The following ATRN variants were observed in gnomAD, a reference collection of about 807,000 sequenced individuals.
ATRN encodes the protein attractin-2.
In ATRN, 54 loss-of-function variants were observed where a neutral mutation model predicts 178.7. The ratio of observed to expected loss-of-function variants is 0.30; its 90% CI spans 0.24 to 0.38. The LOEUF is 0.38. Among genes scored for constraint, ATRN ranks in the 10% least tolerant of loss-of-function variants. ATRN has a pLI of 1.00. For missense variants in ATRN, 1,443 were observed against 1,815.1 expected, an observed-to-expected ratio of 0.79 and a Z score of 3.73; for synonymous variants, 636 against 663.0, an observed-to-expected ratio of 0.96 and a Z score of 0.63.
intron 15 of ATRN, 149 bp downstream of exon 15, chr20:3,578,921 G>A: frequency 1.6e-6 from 1 of 638,156 alleles, no homozygotes; most frequent in Non-Finnish European, 2.5e-6. Flanking sequence ...GGGACTGTGG[G>A]TTTGTGCTGT....
At chr20:3,577,853 C>T (rs2086233042) in intron 14 of ATRN, among the ~76,000 whole-genome samples, 1 of 152,128 alleles carries the variant, frequency 6.6e-6, no homozygotes, top group South Asian at 2.1e-4. Flanking sequence ...GATCTCTTTC[C>T]CATGGTACCT....
intron 8 of ATRN, among the ~76,000 whole-genome samples, 176 bp downstream of exon 8, chr20:3,561,081 G>A (rs2085946198): frequency 6.6e-6 from 1 of 152,152 alleles, no homozygotes; most frequent in Non-Finnish European, 1.5e-5. Context: ...AGCACTTTGG[G>A]AGGCTGAGGC....
intron 25 of ATRN, among the ~76,000 whole-genome samples, chr20:3,626,151 G>A (rs1036426996): frequency 6.6e-6 from 1 of 150,656 alleles, no homozygotes; most frequent in Non-Finnish European, 1.5e-5. Context: ...AGAATGGCTT[G>A]AGCCTAGGAG....
chr20:3,490,782 C>T (rs1600020252), intron 1 of ATRN: 1 of 791,884 alleles, frequency 1.3e-6, no homozygotes, highest in Non-Finnish European at 2.3e-6. Flanking sequence ...AGCAAACTCA[C>T]TGGGTCCTGA....
At chr20:3,489,958 G>T (rs2084762711) in intron 1 of ATRN, 2 of 1,041,882 alleles carry the variant, frequency 1.9e-6, no homozygotes, top group South Asian at 1.3e-5. Flanking sequence ...TGCTCTTCTT[G>T]CTCTTCTCCT....
At chr20:3,518,055 A>G (rs1268618506) in intron 1 of ATRN, among the ~76,000 whole-genome samples, 1 of 152,244 alleles carries the variant, frequency 6.6e-6, no homozygotes, top group East Asian at 1.9e-4. Context: ...ACAGTGGAGC[A>G]CAGGCTATCT....
At chr20:3,485,472 C>G (rs1205697367) in intron 1 of ATRN, among the ~76,000 whole-genome samples, 1 of 152,062 alleles carries the variant, frequency 6.6e-6, no homozygotes, top group African/African-American at 2.4e-5. Flanking sequence ...GTCTTTTCAT[C>G]TGTTAATGTG....
At chr20:3,598,983 A>G (rs1354883379) in intron 22 of ATRN, among the ~76,000 whole-genome samples, 1 of 152,242 alleles carries the variant, frequency 6.6e-6, no homozygotes, top group Non-Finnish European at 1.5e-5. Flanking sequence ...AAAGTAGAAC[A>G]AAGTCTATAG....
At chr20:3,585,639 G>A (rs1408213353) in intron 18 of ATRN, among the ~76,000 whole-genome samples, 1 of 152,002 alleles carries the variant, frequency 6.6e-6, no homozygotes, top group Non-Finnish European at 1.5e-5. Context: ...TGAATATCAC[G>A]AATATATCTG....
intron 1 of ATRN, among the ~76,000 whole-genome samples, chr20:3,480,746 C>T (rs369433613): frequency 2.0e-5 from 3 of 152,022 alleles, no homozygotes; most frequent in East Asian, 1.9e-4. Flanking sequence ...CAGGTATGTA[C>T]GCAGGAGAAA....
chr20:3,540,884 TA>T (rs1403121834), intron 3 of ATRN, among the ~76,000 whole-genome samples: 1 of 152,106 alleles, frequency 6.6e-6, no homozygotes. Context: ...TTATTATATA[TA>T]TTTTTTTTCA....
In ATRN at chr20:3,597,071, T is replaced by TATATAA. The variant is rs11087589; in HGVS notation, c.3469+645_3469+646insTAAATA. On this transcript the variant is annotated intron_variant, in intron 21 of 28. Transcript: ENST00000262919. ...GTGAATATGACTTCATATATATATATATAAAACTTCTAAAAGAAAACAAGA... is the reference window on the plus strand; with the variant it reads ...GTGAATATGACTTCATATATATATATATATAAATAAAACTTCTAAAAGAAAACAAGA... Among the ~76,000 whole-genome samples the TATATAA allele has an allele frequency of 6.7e-5, 9 of 134,036 alleles. 1 individual carries two copies. The highest frequency in any genetic ancestry group is 1.2e-4 in the African/African-American group (4 of 34,296). The allele number at this position is 134,036 out of a possible 152,430, so 87.9% of individuals were successfully genotyped here. A position where few individuals can be genotyped will look rare whatever the true frequency, so the allele number is the denominator to read the frequency against.
At chr20:3,553,636 C>T (rs532393298) in intron 6 of ATRN, among the ~76,000 whole-genome samples, 76 of 152,310 alleles carry the variant, frequency 5.0e-4, no homozygotes, top group African/African-American at 1.8e-3. Context: ...TTTTCCTCTC[C>T]TGCCATCATT....
intron 14 of ATRN, among the ~76,000 whole-genome samples, 161 bp downstream of exon 14, chr20:3,577,158 T>C (rs2086224222): frequency 1.3e-5 from 2 of 152,192 alleles, no homozygotes; most frequent in Admixed American, 6.5e-5. Context: ...TTAACTAAAA[T>C]ACAGTTCTTA....
chr20:3,535,588 TACACACAC>T lies in ATRN; in HGVS notation c.494+284_494+291del, dbSNP rs11468707. 2.9e-3 allele frequency among the ~76,000 whole-genome samples: 410 copies of T among 143,216 alleles called. 2 individuals are homozygous for T. Among genetic ancestry groups the T allele is most frequent in the South Asian group, 0.016 (69 of 4,276 alleles). 94.0% of individuals were successfully genotyped at this position (143,216 alleles called of 152,430 possible). A position where few individuals can be genotyped will look rare whatever the true frequency, so the allele number is the denominator to read the frequency against. On this transcript the variant is annotated intron_variant, in intron 2 of 28. Coordinates refer to ENST00000262919, the MANE Select transcript of ATRN (RefSeq NM_139321.3). Reference sequence around the variant, plus strand: ...CCAACTGTAATAGTTCAGAAACGGTTACACACACACACACACACACACACACACACACA... The same window carrying T: ...CCAACTGTAATAGTTCAGAAACGGTTACACACACACACACACACACACACA...
intron 1 of ATRN, among the ~76,000 whole-genome samples, chr20:3,513,778 G>T (rs1600060128): frequency 6.6e-6 from 1 of 152,252 alleles, no homozygotes; most frequent in Non-Finnish European, 1.5e-5. Flanking sequence ...TTGAGCAGTG[G>T]TTTGTAGTTC....
chr20:3,550,183 C>T (rs549679147), intron 6 of ATRN, among the ~76,000 whole-genome samples: 50 of 152,254 alleles, frequency 3.3e-4, no homozygotes, highest in African/African-American at 1.1e-3. Flanking sequence ...CAAAAATTAG[C>T]CAGGTGCGGT....
chr20:3,644,320 A>G (rs749658996), intron 28 of ATRN, 52 bp downstream of exon 28: 4 of 1,433,420 alleles, frequency 2.8e-6, no homozygotes, highest in Non-Finnish European at 3.9e-6. Context: ...TGAGGGAGCT[A>G]AGCATGGGAT....
intron 16 of ATRN, among the ~76,000 whole-genome samples, 172 bp downstream of exon 16, chr20:3,582,526 G>T (rs2086295281): frequency 6.6e-6 from 1 of 152,084 alleles, no homozygotes; most frequent in Non-Finnish European, 1.5e-5. Context: ...GAAATATTCT[G>T]GGACCCTGAA....
Sources: allele counts gnomAD v4.1 joint callset (sites outside exome capture counted in the v4.1 genomes callset), GRCh38; gene constraint gnomAD v4.1.1; transcripts MANE v1.5; gene names NCBI Gene and HGNC (gene_info 2026-07-23, HGNC 2026-07-21).